The following ZNF347 variants were observed in gnomAD, a reference collection of about 807,000 sequenced individuals.
The protein encoded by ZNF347 is zinc finger protein 347.
In ZNF347, 19 loss-of-function variants were observed where a neutral mutation model predicts 12.9. That is an observed-to-expected ratio of 1.47 (90% CI 1.03 to 2.16). The LOEUF (loss-of-function observed/expected upper bound fraction) is 2.16. Among genes scored for constraint, ZNF347 ranks in the 30% most tolerant of loss-of-function variants. The pLI is 0.00. For missense variants in ZNF347, 1,005 were observed against 990.6 expected, an observed-to-expected ratio of 1.01 and a Z score of -0.19; for synonymous variants, 328 against 340.6, an observed-to-expected ratio of 0.96 and a Z score of 0.41.
intron 1 of ZNF347, among the ~76,000 whole-genome samples, chr19:53,156,655 T>TAGGG: frequency 6.6e-6 from 1 of 152,184 alleles, no homozygotes; most frequent in East Asian, 1.9e-4. Flanking sequence ...AGTGAAGTGT[T>TAGGG]TTCCCTGAGT....
At chr19:53,154,823 G>A (rs1193218147) in intron 1 of ZNF347, among the ~76,000 whole-genome samples, 1 of 151,136 alleles carries the variant, frequency 6.6e-6, no homozygotes, top group African/African-American at 2.4e-5. Context: ...TTCAAGCAAG[G>A]ACTGAAGGCA....
chr19:53,140,860 A>T lies in ZNF347; in HGVS notation c.1968T>A (p.Asn656Lys). The T allele has an allele frequency of 6.2e-7, 1 of 1,613,770 alleles. No individual in the cohort carries two copies. The highest frequency in any genetic ancestry group is 8.5e-7 in the Non-Finnish European group (1 of 1,179,860). Reference sequence around the variant, plus strand: ...TCTGAGTGAAGACCTTGCCACACTCATTACATTTGTAAGGTTTTTCACCAG... The same window carrying T: ...TCTGAGTGAAGACCTTGCCACACTCTTTACATTTGTAAGGTTTTTCACCAG... ...IHTGEKPYKCNECGKVFTQNS... is the reference protein window; with the variant it reads ...IHTGEKPYKCKECGKVFTQNS... Residue 656 changes from asparagine to lysine, a missense_variant, in exon 5 of 5, where the codon AAT becomes AAA. Coordinates refer to ENST00000334197, the MANE Select transcript of ZNF347 (RefSeq NM_032584.3).
intron 1 of ZNF347, 56 bp from the exon 2 acceptor site, chr19:53,153,849 G>A: frequency 7.3e-7 from 1 of 1,368,474 alleles, no homozygotes; most frequent in Non-Finnish European, 1.0e-6. Context: ...AAAATGTGCT[G>A]TTTATTGCTC....
At chr19:53,156,769 A>G (rs572734857) in intron 1 of ZNF347, among the ~76,000 whole-genome samples, 1 of 152,282 alleles carries the variant, frequency 6.6e-6, no homozygotes, top group South Asian at 2.1e-4. Context: ...TCAGGTACCA[A>G]CGGGAGACTT....
intron 2 of ZNF347, among the ~76,000 whole-genome samples, chr19:53,152,726 C>T (rs545584081): frequency 1.3e-5 from 2 of 151,800 alleles, no homozygotes; most frequent in African/African-American, 4.8e-5. Context: ...GTCAGGAGTT[C>T]GAGACCATCC....
In ZNF347 at chr19:53,141,530, T is replaced by C. The variant is rs1158401744; in HGVS notation, c.1298A>G (p.Glu433Gly). ...HTGEKPYKCNECGKAFGVRSS... is the reference protein window; with the variant it reads ...HTGEKPYKCNGCGKAFGVRSS... ...ACGAACACCAAAGGCTTTGCCGCAC[T>C]CATTACACTTGTAAGGTTTCTCTCC... The change falls in exon 5 of 5, where the codon GAG (glutamate) becomes GGG (glycine). Residue 433 changes from glutamate (E) to glycine (G), a missense_variant. Glu to Gly is a moderately conservative substitution (Grantham distance 98, BLOSUM62 -2). Transcript: ENST00000334197. The C allele has an allele frequency of 5.6e-6, 9 of 1,614,068 alleles. No individual in the cohort carries two copies. Among genetic ancestry groups the C allele is most frequent in the South Asian group, 5.5e-5 (5 of 91,076 alleles).
chr19:53,144,260 G>A (rs1437103614), intron 4 of ZNF347, among the ~76,000 whole-genome samples: 1 of 152,126 alleles, frequency 6.6e-6, no homozygotes, highest in Non-Finnish European at 1.5e-5. Context: ...AAGGATACAT[G>A]TAGACAAAAA....
intron 4 of ZNF347, among the ~76,000 whole-genome samples, chr19:53,146,715 C>G (rs1007085557): frequency 2.0e-5 from 3 of 152,018 alleles, no homozygotes; most frequent in Non-Finnish European, 1.5e-5. Context: ...CATAGATACA[C>G]AAAGGACCAT....
At chr19:53,147,396 C>CAAAA (rs71335698) in intron 4 of ZNF347, among the ~76,000 whole-genome samples, 1 of 151,154 alleles carries the variant, frequency 6.6e-6, no homozygotes, top group Non-Finnish European at 1.5e-5. Flanking sequence ...AACAAACAAA[C>CAAAA]AAAAAAACAC....
rs772164705 is a variant in ZNF347, at chr19:53,141,543, A to G, written c.1285T>C (p.Tyr429His). 1.9e-6 allele frequency: 3 copies of G among 1,613,806 alleles called. No homozygotes were observed. The African/African-American group carries it at 4.0e-5, about 22-fold the overall frequency. Residue 429 changes from tyrosine (Y) to histidine (H), a missense_variant, in exon 5 of 5, where the codon TAC (tyrosine) becomes CAC (histidine). Transcript: ENST00000334197. ...GCTTTGCCGCACTCATTACACTTGT[A>G]AGGTTTCTCTCCAGTGTGAATTCTC... The part of the protein sequence containing the change: ...HWRIHTGEKP[Y>H]KCNECGKAFG...
intron 1 of ZNF347, among the ~76,000 whole-genome samples, chr19:53,155,292 T>A (rs1010962175): frequency 1.2e-4 from 12 of 103,314 alleles, no homozygotes; most frequent in Non-Finnish European, 1.9e-4. Flanking sequence ...AAAGACTTTA[T>A]TCTGTGTGTG....
At chr19:53,158,580 T>A (rs1599863632) in intron 1 of ZNF347, 1 of 150,908 alleles carries the variant, frequency 6.6e-6, no homozygotes, top group Admixed American at 6.6e-5. Context: ...TCAGCTGGGG[T>A]GGAGGGCGCG....
chr19:53,146,777 G>A (rs2090465962), intron 4 of ZNF347, among the ~76,000 whole-genome samples: 1 of 151,756 alleles, frequency 6.6e-6, no homozygotes, highest in African/African-American at 2.4e-5. Flanking sequence ...AGAAGAAAGG[G>A]ATACATTTCT....
chr19:53,135,337 TATAG>T lies in ZNF347; in HGVS notation c.*4967_*4970del, dbSNP rs1426296423. 1.6e-4 allele frequency: 14 copies of T among 86,040 alleles called. No homozygotes were observed. The highest frequency in any genetic ancestry group is 2.3e-4 in the Non-Finnish European group (11 of 47,326). The allele number at this position is 86,040 out of a possible 1,614,324, so 5.3% of individuals were successfully genotyped here. A position where few individuals can be genotyped will look rare whatever the true frequency, so the allele number is the denominator to read the frequency against. On this transcript the variant is annotated 3_prime_UTR_variant, in exon 5 of 5. Transcript: ENST00000334197. ...ATATATATATATATATATATATATA[TATAG>T]AGAGAGAGAGAGAGAGAGAGAGAGA...
intron 2 of ZNF347, 134 bp from the exon 3 acceptor site, chr19:53,149,501 T>C (rs1182472291): frequency 6.7e-7 from 1 of 1,481,944 alleles, no homozygotes; most frequent in African/African-American, 1.4e-5. Context: ...AATATACATA[T>C]GGTCTTCATC....
At chr19:53,149,219 T>G in intron 3 of ZNF347, 22 bp downstream of exon 3, 1 of 1,610,334 alleles carries the variant, frequency 6.2e-7, no homozygotes, top group Non-Finnish European at 8.5e-7. Context: ...GATCCTGACT[T>G]CTGGAAGAAA....
At chr19:53,155,175 G>A (rs1240419374) in intron 1 of ZNF347, among the ~76,000 whole-genome samples, 1 of 150,906 alleles carries the variant, frequency 6.6e-6, no homozygotes, top group Non-Finnish European at 1.5e-5. Context: ...TGACCTCAAG[G>A]GATCCACCTG....
At chr19:53,156,055 G>GA (rs1322224665) in intron 1 of ZNF347, among the ~76,000 whole-genome samples, 1 of 137,440 alleles carries the variant, frequency 7.3e-6, no homozygotes, top group African/African-American at 2.7e-5. Flanking sequence ...CGGGGGGGGG[G>GA]GGGGGTTAGG....
chr19:53,135,325 T>TAGAGAGAG lies in ZNF347; in HGVS notation c.*4982_*4983insCTCTCTCT. The TAGAGAGAG allele has an allele frequency of 2.2e-5, 1 of 45,916 alleles. No individual in the cohort carries two copies. Among genetic ancestry groups the TAGAGAGAG allele is most frequent in the African/African-American group, 7.2e-5 (1 of 13,852 alleles). The allele number at this position is 45,916 out of a possible 1,614,324, so 2.8% of individuals were successfully genotyped here. On this transcript the variant is annotated 3_prime_UTR_variant, in exon 5 of 5. Coordinates refer to ENST00000334197, the MANE Select transcript of ZNF347 (RefSeq NM_032584.3). Reference sequence around the variant, plus strand: ...ATATATATATATATATATATATATATATATATATATATATAGAGAGAGAGA... The same window carrying TAGAGAGAG: ...ATATATATATATATATATATATATATAGAGAGAGATATATATATATATAGAGAGAGAGA...
Sources: gnomAD v4.1 joint callset for allele counts (sites outside exome capture counted in the v4.1 genomes callset) on GRCh38, gnomAD v4.1.1 for gene constraint, MANE v1.5 for transcripts, NCBI Gene and HGNC (gene_info 2026-07-23, HGNC 2026-07-21) for gene names.